CDH13: variants seen among roughly 807,000 people sequenced by gnomAD.
CDH13 encodes the protein cadherin-13.
In CDH13, 24 loss-of-function variants were observed where a neutral mutation model predicts 63.8. That is an observed-to-expected ratio of 0.38 (90% CI 0.27 to 0.53). CDH13 has a LOEUF of 0.53. Among genes scored for constraint, CDH13 ranks in the 20% least tolerant of loss-of-function variants. The pLI, the probability that CDH13 is intolerant of heterozygous loss-of-function variation, is 0.85. For synonymous variants in CDH13, 503 were observed against 355.3 expected (o/e 1.42, Z -4.67); for missense variants, 1,049 against 903.1 (o/e 1.16, Z -2.07).
At chr16:83,191,490 C>CATATATAT (rs2038704038) in intron 4 of CDH13, among the ~76,000 whole-genome samples, 1 of 66,292 alleles carries the variant, frequency 1.5e-5, no homozygotes. Context: ...TATATATATG[C>CATATATAT]ACATATATAT....
chr16:83,676,537 G>C (rs2093093556), intron 9 of CDH13, among the ~76,000 whole-genome samples: 1 of 152,204 alleles, frequency 6.6e-6, no homozygotes, highest in East Asian at 1.9e-4. Flanking sequence ...ACTTGGGATG[G>C]ACAGAGATCC....
rs1274974694 is a variant in CDH13 at position 83,602,137 on chromosome 16, AAAAAAACC to A, written c.961-316_961-309del. Among the ~76,000 whole-genome samples the A allele has an allele frequency of 3.3e-4, 29 of 88,780 alleles. 1 individual carries two copies. The highest frequency in any genetic ancestry group is 2.4e-3 in the African/African-American group (28 of 11,504). The allele number at this position is 88,780 out of a possible 152,430, so 58.2% of individuals were successfully genotyped here. A position where few individuals can be genotyped will look rare whatever the true frequency, so the allele number is the denominator to read the frequency against. Reference sequence around the variant, plus strand: ...AAAAAAAAAAAAAAAAAAAAAAAAAAAAAAAACCCAAAGGACAATGTATACCCAAGCCC... The same window carrying A: ...AAAAAAAAAAAAAAAAAAAAAAAAAACAAAGGACAATGTATACCCAAGCCC... On this transcript the variant is annotated intron_variant, in intron 7 of 13. Coordinates refer to ENST00000567109, the MANE Select transcript of CDH13 (RefSeq NM_001257.5).
At chr16:83,003,201 G>A (rs1181332864) in intron 2 of CDH13, among the ~76,000 whole-genome samples, 3 of 152,164 alleles carry the variant, frequency 2.0e-5, no homozygotes, top group Admixed American at 6.5e-5. Flanking sequence ...AGCCCAGCTG[G>A]CCTCTGAGGC....
chr16:83,775,308 GT>G (rs1915033250), intron 11 of CDH13, among the ~76,000 whole-genome samples: 1 of 151,818 alleles, frequency 6.6e-6, no homozygotes, highest in Non-Finnish European at 1.5e-5. Flanking sequence ...ATGCAGGTGC[GT>G]TTCTCTGGAG....
intron 6 of CDH13, among the ~76,000 whole-genome samples, chr16:83,358,469 GGATTGCTTCTCTCCA>G (rs1413872662): frequency 2.0e-5 from 3 of 152,118 alleles, no homozygotes; most frequent in African/African-American, 7.2e-5. Flanking sequence ...TGGCAGCCCT[GGATTGCTTCTCTCCA>G]GAATTATTTT....
chr16:83,552,737 C>T (rs4325543), intron 7 of CDH13, among the ~76,000 whole-genome samples: 96,907 of 152,094 alleles, frequency 0.64, 31,907 homozygotes, highest in Non-Finnish European at 0.72. Context: ...GAGATTACTG[C>T]ATTTCAGGGG....
At chr16:83,318,528 C>G (rs2090153304) in intron 5 of CDH13, among the ~76,000 whole-genome samples, 1 of 152,212 alleles carries the variant, frequency 6.6e-6, no homozygotes, top group Non-Finnish European at 1.5e-5. Context: ...ATTCTGTCTG[C>G]TACACGTAAG....
At chr16:83,617,556 ATC>A (rs1909395842) in intron 8 of CDH13, among the ~76,000 whole-genome samples, 1 of 151,328 alleles carries the variant, frequency 6.6e-6, no homozygotes, top group Admixed American at 6.6e-5. Flanking sequence ...ATATGAACAT[ATC>A]TCAATATGCA....
intron 1 of CDH13, among the ~76,000 whole-genome samples, chr16:82,651,464 C>T (rs963727490): frequency 6.6e-6 from 1 of 152,210 alleles, no homozygotes; most frequent in Non-Finnish European, 1.5e-5. Flanking sequence ...GGCAGAACCA[C>T]GGTTTGAATC....
intron 10 of CDH13, among the ~76,000 whole-genome samples, chr16:83,738,008 G>A (rs182737969): frequency 2.0e-5 from 3 of 152,296 alleles, no homozygotes; most frequent in Admixed American, 6.5e-5. Context: ...TACATCGTAC[G>A]CCACCTCCTC....
intron 2 of CDH13, among the ~76,000 whole-genome samples, chr16:82,891,230 T>A (rs1013607128): frequency 6.6e-6 from 1 of 152,136 alleles, no homozygotes; most frequent in Non-Finnish European, 1.5e-5. Context: ...GGAGAATCTA[T>A]GTTCTGTATC....
intron 1 of CDH13, among the ~76,000 whole-genome samples, chr16:82,793,891 G>A (rs533781954): frequency 9.2e-5 from 14 of 152,158 alleles, no homozygotes; most frequent in Non-Finnish European, 2.1e-4. Flanking sequence ...TATGGGACAG[G>A]CTGGGGCAGT....
intron 5 of CDH13, among the ~76,000 whole-genome samples, chr16:83,260,059 T>C (rs890300733): frequency 4.9e-5 from 4 of 81,288 alleles, no homozygotes; most frequent in Non-Finnish European, 7.3e-5. Context: ...TCTCACAGTA[T>C]ATAATAGTTT....
chr16:83,138,309 C>A (rs193181518), intron 4 of CDH13, among the ~76,000 whole-genome samples: 2 of 152,174 alleles, frequency 1.3e-5, no homozygotes, highest in Middle Eastern at 3.4e-3. Flanking sequence ...GAGAAGAATG[C>A]CCGTCCTAGG....
intron 1 of CDH13, among the ~76,000 whole-genome samples, chr16:82,776,372 A>G (rs1057461812): frequency 5.3e-5 from 8 of 152,214 alleles, no homozygotes; most frequent in African/African-American, 1.9e-4. Flanking sequence ...CAAGGCCTGC[A>G]TGCAAAAAAA....
chr16:83,031,917 A>G, intron 2 of CDH13, 93 bp from the exon 3 acceptor site: 3 of 975,818 alleles, frequency 3.1e-6, no homozygotes, highest in Non-Finnish European at 4.7e-6. Flanking sequence ...TTGGGAAACT[A>G]TGTGGTAATT....
intron 5 of CDH13, among the ~76,000 whole-genome samples, chr16:83,293,007 C>G (rs1319080678): frequency 6.6e-6 from 1 of 152,148 alleles, no homozygotes; most frequent in Non-Finnish European, 1.5e-5. Context: ...ATCTTTTGGA[C>G]TAAAGTTACT....
chr16:83,183,686 G>A (rs2038419528), intron 4 of CDH13, among the ~76,000 whole-genome samples: 2 of 152,158 alleles, frequency 1.3e-5, no homozygotes, highest in South Asian at 2.1e-4. Flanking sequence ...CTGATGGGAC[G>A]GCACCTGCCA....
chr16:82,778,588 A>G (rs1163186642), intron 1 of CDH13, among the ~76,000 whole-genome samples: 1 of 151,706 alleles, frequency 6.6e-6, no homozygotes, highest in Non-Finnish European at 1.5e-5. Flanking sequence ...AAAAAAAAAA[A>G]AAAAAGGTCT....
Sources: gnomAD v4.1 joint callset for allele counts (sites outside exome capture counted in the v4.1 genomes callset) on GRCh38, gnomAD v4.1.1 for gene constraint, MANE v1.5 for transcripts, NCBI Gene and HGNC (gene_info 2026-07-23, HGNC 2026-07-21) for gene names.